NIBAN1: variants seen among roughly 807,000 people sequenced by gnomAD.
The protein encoded by NIBAN1 is protein Niban 1.
A neutral mutation model predicts 75.1 loss-of-function variants in NIBAN1; 81 were observed. That is an observed-to-expected ratio of 1.08 (90% CI 0.90 to 1.30). The LOEUF (loss-of-function observed/expected upper bound fraction) is 1.30, where lower values mean the gene tolerates loss of function less well. NIBAN1 is among the 50% of genes most tolerant of loss of function. The pLI is 0.00. For synonymous variants in NIBAN1, 436 were observed against 424.8 expected (o/e 1.03, Z -0.32); for missense variants, 1,133 against 1,128.1 (o/e 1.00, Z -0.06).
Position 184,934,993 on chromosome 1 carries a change from C to T in NIBAN1, c.56-35684G>A, listed in dbSNP as rs146505278. Among the ~76,000 whole-genome samples, 1,183 of 152,282 alleles carry T rather than the reference C, an allele frequency of 7.8e-3. 7 individuals carry two copies. Among genetic ancestry groups the T allele is most frequent in the Non-Finnish European group, 0.013 (855 of 68,020 alleles). On this transcript the variant is annotated intron_variant, in intron 1 of 13. Transcript: ENST00000367511. ...GCTGAGACAGGAGGATCACTTAAGC[C>T]GGGGAGCTCAAGGCTGCAATGAGCC...
chr1:184,890,063 G>C (rs1390415040), intron 4 of NIBAN1, 45 bp downstream of exon 4: 2 of 1,414,600 alleles, frequency 1.4e-6, no homozygotes, highest in Non-Finnish European at 2.0e-6. Context: ...GCTAAACAAA[G>C]AAGCTTAGTC....
intron 11 of NIBAN1, among the ~76,000 whole-genome samples, chr1:184,805,692 T>C (rs1654175847): frequency 6.6e-6 from 1 of 152,156 alleles, no homozygotes; most frequent in Non-Finnish European, 1.5e-5. Context: ...GAGTTGGATC[T>C]CTATGAAGGC....
intron 1 of NIBAN1, among the ~76,000 whole-genome samples, chr1:184,926,100 A>G (rs554566809): frequency 4.1e-4 from 63 of 152,278 alleles, no homozygotes; most frequent in African/African-American, 1.5e-3. Context: ...TGCTGGATAT[A>G]CTATTCTAGG....
chr1:184,796,358 T>C (rs1310209874), intron 13 of NIBAN1, among the ~76,000 whole-genome samples: 1 of 152,184 alleles, frequency 6.6e-6, no homozygotes, highest in Non-Finnish European at 1.5e-5. Flanking sequence ...ATGAATAAAC[T>C]ATAGCCTTTG....
intron 8 of NIBAN1, chr1:184,821,541 A>G (rs1311891692): frequency 6.6e-6 from 1 of 152,184 alleles, no homozygotes; most frequent in South Asian, 2.1e-4. Flanking sequence ...GGCTTCTTTT[A>G]GGAAATAAAT....
In NIBAN1 at chr1:184,808,225, C is replaced by T. The variant is rs373270405; in HGVS notation, c.1184G>A (p.Arg395Gln). Reference protein sequence around the residue: ...DSVQLKEHLDRLMNLPLHSVK... With the variant: ...DSVQLKEHLDQLMNLPLHSVK... ...GGAATGCAGCGGAAGATTCATAAGC[C>T]GGTCTAGATGCTGCATTTTGGTGAA... Residue 395 changes from arginine to glutamine, a missense_variant, in exon 10 of 14, where the codon CGG becomes CAG. Coordinates refer to ENST00000367511, the MANE Select transcript of NIBAN1 (RefSeq NM_052966.4). 21 of 1,613,808 alleles carry T rather than the reference C, an allele frequency of 1.3e-5. No individual in the cohort carries two copies. The highest frequency in any genetic ancestry group is 1.6e-4 in the Middle Eastern group (1 of 6,062).
intron 8 of NIBAN1, 63 bp downstream of exon 8, chr1:184,823,104 T>C: frequency 1.3e-6 from 2 of 1,547,088 alleles, no homozygotes; most frequent in Non-Finnish European, 1.8e-6. Context: ...ATTCCTGCTA[T>C]GTGGTGGATC....
Position 184,823,837 on chromosome 1 carries a change from C to G in NIBAN1, c.718-95G>C, listed in dbSNP as rs1654772871. 5 of 998,470 alleles carry G rather than the reference C, an allele frequency of 5.0e-6. No individual in the cohort carries two copies. In the South Asian group the frequency reaches 6.7e-5, roughly 13 times the overall value. The allele number at this position is 998,470 out of a possible 1,614,324, so 61.9% of individuals were successfully genotyped here. Reference sequence around the variant, plus strand: ...AAATGTCCTGATTGGCTGTCCCTGTCCCGGACCAGATGAACTCTGTAGTAG... The same window carrying G: ...AAATGTCCTGATTGGCTGTCCCTGTGCCGGACCAGATGAACTCTGTAGTAG... On this transcript the variant is annotated intron_variant, in intron 6 of 13. Coordinates refer to ENST00000367511, the MANE Select transcript of NIBAN1 (RefSeq NM_052966.4).
At chr1:184,877,513 A>G (rs1656263868) in intron 5 of NIBAN1, among the ~76,000 whole-genome samples, 1 of 152,186 alleles carries the variant, frequency 6.6e-6, no homozygotes, top group African/African-American at 2.4e-5. Flanking sequence ...AGAGTAAACA[A>G]TAGCTCCAAG....
At chr1:184,967,814 A>T (rs1658837805) in intron 1 of NIBAN1, among the ~76,000 whole-genome samples, 1 of 152,222 alleles carries the variant, frequency 6.6e-6, no homozygotes, top group South Asian at 2.1e-4. Flanking sequence ...TAGAAGCCAC[A>T]AGAGGGAAAG....
At position 184,808,131 on chromosome 1, in the gene NIBAN1, G is replaced by A; in HGVS notation, c.1278C>T (p.Arg426=). The A allele has an allele frequency of 6.2e-7, 1 of 1,614,090 alleles. No individual in the cohort carries two copies. Residue 426 remains arginine (R), a synonymous_variant, in exon 10 of 14, where the codon CGC becomes CGT. Coordinates refer to ENST00000367511, the MANE Select transcript of NIBAN1 (RefSeq NM_052966.4). ...CCAGATCAATGTGGGGGAATCTGAA[G>A]CGGCTCTTGAGATCCTGCAGGCGCT... is the stretch of plus-strand genomic sequence containing the variant. ...LHERLQDLKS[R]FRFPHIDLVV...
Position 184,798,078 on chromosome 1 carries a change from C to A in NIBAN1, c.1666+1G>T. The A allele has an allele frequency of 6.2e-7, 1 of 1,604,394 alleles. No individual in the cohort carries two copies. The highest frequency in any genetic ancestry group is 8.5e-7 in the Non-Finnish European group (1 of 1,172,424). On this transcript the variant is annotated splice_donor_variant, in intron 13 of 13. Coordinates refer to ENST00000367511, the MANE Select transcript of NIBAN1 (RefSeq NM_052966.4). LOFTEE classifies it high-confidence loss of function. ...CTGCAGCACCAGGTAACCTTTCTTA[C>A]CTTTCAGAGTTTCATCAAGCAGGAT...
At chr1:184,853,341 A>G (rs1300509735) in intron 5 of NIBAN1, among the ~76,000 whole-genome samples, 1 of 152,228 alleles carries the variant, frequency 6.6e-6, no homozygotes, top group Non-Finnish European at 1.5e-5. Flanking sequence ...TACCCTTTGT[A>G]TAAATCAAGA....
intron 5 of NIBAN1, among the ~76,000 whole-genome samples, chr1:184,836,798 C>T (rs997599745): frequency 1.2e-4 from 18 of 152,228 alleles, no homozygotes; most frequent in Admixed American, 5.9e-4. Flanking sequence ...ATTTTAAATA[C>T]TTCCTTTCCA....
chr1:184,845,055 C>T (rs1655399252), intron 5 of NIBAN1, among the ~76,000 whole-genome samples: 1 of 152,212 alleles, frequency 6.6e-6, no homozygotes, highest in South Asian at 2.1e-4. Flanking sequence ...ACAGAGTTCT[C>T]TTTAATTTCT....
chr1:184,807,840 G>A (rs1654249206), intron 10 of NIBAN1: 1 of 468,790 alleles, frequency 2.1e-6, no homozygotes, highest in African/African-American at 2.0e-5. Context: ...AAATCAAGTA[G>A]TTATCAATTA....
Position 184,818,844 on chromosome 1 carries a change from A to C in NIBAN1, c.986-19T>G, listed in dbSNP as rs564604785. 4.5e-6 allele frequency: 7 copies of C among 1,565,968 alleles called. No homozygotes were observed. The East Asian group carries it at 1.6e-4, about 35-fold the overall frequency. On this transcript the variant is annotated intron_variant, in intron 8 of 13. Coordinates refer to ENST00000367511, the MANE Select transcript of NIBAN1 (RefSeq NM_052966.4). ...ACCATCGCTGAGGTAGGAAATAGCC[A>C]AAAAACCGTGACATATGGCAAAACT...
intron 1 of NIBAN1, among the ~76,000 whole-genome samples, chr1:184,926,178 G>T (rs1214916016): frequency 1.3e-5 from 2 of 152,062 alleles, no homozygotes; most frequent in East Asian, 1.9e-4. Flanking sequence ...GGCCTACAAG[G>T]TTTCCACTAA....
At chr1:184,911,326 T>C (rs1370446643) in intron 1 of NIBAN1, among the ~76,000 whole-genome samples, 1 of 152,182 alleles carries the variant, frequency 6.6e-6, no homozygotes, top group Admixed American at 6.5e-5. Flanking sequence ...CACACTGAAA[T>C]ACATGGAATC....
Sources: gnomAD v4.1 joint callset for allele counts (sites outside exome capture counted in the v4.1 genomes callset) on GRCh38, gnomAD v4.1.1 for gene constraint, MANE v1.5 for transcripts, NCBI Gene and HGNC (gene_info 2026-07-23, HGNC 2026-07-21) for gene names.